Variants in MARCHF6 observed in about 807,000 individuals in gnomAD.
The protein encoded by MARCHF6 is membrane associated ring-CH-type finger 6.
In MARCHF6, 31 loss-of-function variants were observed where a neutral mutation model predicts 133.7. The observed-to-expected ratio is 0.23, with a 90% CI of 0.17 to 0.31. The LOEUF (loss-of-function observed/expected upper bound fraction) is 0.31. MARCHF6 is among the 10% of genes least tolerant of loss of function. The probability of loss-of-function intolerance (pLI) is 1.00; values close to 1 mark genes in which losing one functional copy is unlikely to be tolerated. For missense variants in MARCHF6, 723 were observed against 1,121.6 expected, an observed-to-expected ratio of 0.64 and a Z score of 5.08; for synonymous variants, 395 against 402.5, an observed-to-expected ratio of 0.98 and a Z score of 0.22.
intron 24 of MARCHF6, 32 bp from the exon 25 acceptor site, chr5:10,429,861 A>G: frequency 6.3e-7 from 1 of 1,592,690 alleles, no homozygotes; most frequent in South Asian, 1.1e-5. Flanking sequence ...TATTTCACAT[A>G]CACTGAAAGT....
chr5:10,369,001 T>A (rs1323669840), intron 1 of MARCHF6, among the ~76,000 whole-genome samples: 2 of 151,806 alleles, frequency 1.3e-5, no homozygotes, highest in African/African-American at 4.8e-5. Flanking sequence ...GAGGGGGAAG[T>A]GCTTTTGCTA....
chr5:10,424,127 G>A (rs1380243086), intron 23 of MARCHF6, among the ~76,000 whole-genome samples: 6 of 151,986 alleles, frequency 3.9e-5, no homozygotes, highest in Non-Finnish European at 5.9e-5. Flanking sequence ...AGATACCCAG[G>A]GAATGAGTAA....
intron 21 of MARCHF6, among the ~76,000 whole-genome samples, chr5:10,416,068 T>C (rs573836401): frequency 6.6e-6 from 1 of 150,964 alleles, no homozygotes; most frequent in African/African-American, 2.5e-5. Flanking sequence ...CATGTTTTTC[T>C]TTATACACGT....
chr5:10,394,252 G>A, intron 8 of MARCHF6, 109 bp downstream of exon 8: 1 of 563,174 alleles, frequency 1.8e-6, no homozygotes, highest in Non-Finnish European at 2.9e-6. Flanking sequence ...TTGATGAAAA[G>A]TTACTAGAAT....
chr5:10,435,494 C>T lies in MARCHF6; in HGVS notation c.*1810C>T, dbSNP rs1740562716. On this transcript the variant is annotated 3_prime_UTR_variant, in exon 26 of 26. Coordinates refer to ENST00000274140, the MANE Select transcript of MARCHF6 (RefSeq NM_005885.4). ...ATTTGAAATAAGGTCTTTGTTAGCCCTACCTTTACTCAGAAATTTAGTCCT... is the reference window on the plus strand; with the variant it reads ...ATTTGAAATAAGGTCTTTGTTAGCCTTACCTTTACTCAGAAATTTAGTCCT... 6.7e-6 allele frequency: 1 copy of T among 149,766 alleles called. No homozygotes were observed. The highest frequency in any genetic ancestry group is 6.7e-5 in the Admixed American group (1 of 14,990). The allele number at this position is 149,766 out of a possible 1,614,324, so 9.3% of individuals were successfully genotyped here.
At chr5:10,379,306 G>C (rs942417974) in intron 3 of MARCHF6, among the ~76,000 whole-genome samples, 1 of 151,356 alleles carries the variant, frequency 6.6e-6, no homozygotes, top group South Asian at 2.1e-4. Flanking sequence ...AAAAGGTAAG[G>C]GTTCTTTTTC....
chr5:10,427,312 A>T (rs530789599), intron 24 of MARCHF6, among the ~76,000 whole-genome samples: 3 of 152,084 alleles, frequency 2.0e-5, no homozygotes, highest in African/African-American at 4.8e-5. Context: ...CCTTCTCCAC[A>T]CTGGGCACAA....
chr5:10,379,802 C>T (rs1461926903), intron 3 of MARCHF6, among the ~76,000 whole-genome samples: 4 of 152,104 alleles, frequency 2.6e-5, no homozygotes, highest in African/African-American at 9.7e-5. Flanking sequence ...GAGAGGGTCT[C>T]ACTATATTGC....
At chr5:10,413,582 C>T (rs1404269638) in intron 19 of MARCHF6, 3 of 152,234 alleles carry the variant, frequency 2.0e-5, no homozygotes, top group African/African-American at 7.2e-5. Flanking sequence ...TAATCTGAGA[C>T]TGGGTAATTT....
At chr5:10,402,717 A>G in intron 14 of MARCHF6, 110 bp downstream of exon 14, 2 of 997,520 alleles carry the variant, frequency 2.0e-6, no homozygotes, top group Non-Finnish European at 3.1e-6. Flanking sequence ...TAATTTGCTT[A>G]TTCTTTTGGC....
intron 25 of MARCHF6, among the ~76,000 whole-genome samples, chr5:10,431,614 TAA>T (rs1740365160): frequency 7.0e-6 from 1 of 143,460 alleles, no homozygotes; most frequent in African/African-American, 2.5e-5. Context: ...TGGGAGGTGC[TAA>T]GAGTGAGTGA....
At chr5:10,430,664 T>C (rs1192094250) in intron 25 of MARCHF6, among the ~76,000 whole-genome samples, 1 of 152,210 alleles carries the variant, frequency 6.6e-6, no homozygotes, top group Non-Finnish European at 1.5e-5. Flanking sequence ...TGTTCTGGTC[T>C]GACAGTATAT....
intron 1 of MARCHF6, among the ~76,000 whole-genome samples, chr5:10,373,061 TAAAAA>T (rs368554826): frequency 2.1e-5 from 3 of 144,338 alleles, no homozygotes; most frequent in Middle Eastern, 3.6e-3. Context: ...CCCTGTCTCT[TAAAAA>T]AAAAAACAAA....
At chr5:10,422,239 AAG>A (rs1739863692) in intron 22 of MARCHF6, among the ~76,000 whole-genome samples, 1 of 152,162 alleles carries the variant, frequency 6.6e-6, no homozygotes, top group Non-Finnish European at 1.5e-5. Flanking sequence ...GAAATTGAGA[AAG>A]AGAAATGTTT....
At chr5:10,379,603 G>A (rs1208537635) in intron 3 of MARCHF6, among the ~76,000 whole-genome samples, 1 of 152,020 alleles carries the variant, frequency 6.6e-6, no homozygotes. Context: ...TGGGACTACA[G>A]GTGCCCACCA....
At chr5:10,383,659 A>T (rs946581641) in intron 4 of MARCHF6, among the ~76,000 whole-genome samples, 5 of 152,228 alleles carry the variant, frequency 3.3e-5, no homozygotes, top group Non-Finnish European at 7.3e-5. Flanking sequence ...GGGATTGGAA[A>T]GTTTACTACC....
intron 7 of MARCHF6, 85 bp downstream of exon 7, chr5:10,391,816 A>G: frequency 3.1e-6 from 4 of 1,305,274 alleles, no homozygotes; most frequent in Non-Finnish European, 4.0e-6. Context: ...GCGTTTTCAA[A>G]TTTTTAATGT....
chr5:10,353,706 T>G lies in MARCHF6; in HGVS notation c.-193T>G. The G allele has an allele frequency of 1.9e-4, 13 of 67,896 alleles. No homozygotes were observed. The highest frequency in any genetic ancestry group is 8.0e-4 in the East Asian group (2 of 2,488). The allele number at this position is 67,896 out of a possible 1,614,324, so 4.2% of individuals were successfully genotyped here. A position where few individuals can be genotyped will look rare whatever the true frequency, so the allele number is the denominator to read the frequency against. The stretch of plus-strand genomic sequence containing the variant: ...CCTCGCCCCTAGGTGTTCCCGCCCC[T>G]CCCCCTCCCGTGTCGCTCGCTTTCT... On this transcript the variant is annotated 5_prime_UTR_variant, in exon 1 of 26. Coordinates refer to ENST00000274140, the MANE Select transcript of MARCHF6 (RefSeq NM_005885.4).
At chr5:10,405,845 T>C (rs1738851982) in intron 16 of MARCHF6, among the ~76,000 whole-genome samples, 168 bp downstream of exon 16, 1 of 152,190 alleles carries the variant, frequency 6.6e-6, no homozygotes, top group Non-Finnish European at 1.5e-5. Flanking sequence ...TATTGGTTAC[T>C]TTGTTAAAAT....
Sources: gnomAD v4.1 joint callset for allele counts (sites outside exome capture counted in the v4.1 genomes callset) on GRCh38, gnomAD v4.1.1 for gene constraint, MANE v1.5 for transcripts, NCBI Gene and HGNC (gene_info 2026-07-23, HGNC 2026-07-21) for gene names.